CRISPLD2: variants seen among roughly 807,000 people sequenced by gnomAD.
CRISPLD2 encodes the protein cysteine-rich secretory protein LCCL domain-containing 2.
A neutral mutation model predicts 71.1 loss-of-function variants in CRISPLD2; 47 were observed. That is an observed-to-expected ratio of 0.66 (90% CI 0.52 to 0.84). CRISPLD2 has a LOEUF of 0.84. CRISPLD2 is among the 40% of genes least tolerant of loss of function. The pLI is 0.00. For missense variants in CRISPLD2, 830 were observed against 651.1 expected (o/e 1.27, Z -2.99); for synonymous variants, 317 against 250.1 (o/e 1.27, Z -2.52).
At chr16:84,870,327 T>G (rs1223655743) in intron 8 of CRISPLD2, among the ~76,000 whole-genome samples, 1 of 152,134 alleles carries the variant, frequency 6.6e-6, no homozygotes, top group Non-Finnish European at 1.5e-5. Flanking sequence ...TTTTGTTTTT[T>G]TTTTTTCTTT....
chr16:84,897,686 G>A (rs1161685009), intron 14 of CRISPLD2, among the ~76,000 whole-genome samples: 2 of 151,936 alleles, frequency 1.3e-5, no homozygotes, highest in Non-Finnish European at 2.9e-5. Flanking sequence ...GCTTGACCTC[G>A]GCTCATTGCA....
At chr16:84,883,874 T>C (rs774204) in intron 13 of CRISPLD2, among the ~76,000 whole-genome samples, 92,271 of 146,968 alleles carry the variant, frequency 0.63, 30,194 homozygotes, top group East Asian at 0.86. Flanking sequence ...GACGGAGTCT[T>C]ACTCTGTCAC....
intron 14 of CRISPLD2, among the ~76,000 whole-genome samples, chr16:84,903,038 G>A (rs943307157): frequency 2.0e-5 from 3 of 152,142 alleles, no homozygotes; most frequent in Admixed American, 1.3e-4. Flanking sequence ...AAAGTGCTGG[G>A]ATTACAGGAA....
chr16:84,875,341 T>A (rs1034256320), intron 11 of CRISPLD2, among the ~76,000 whole-genome samples: 3 of 151,320 alleles, frequency 2.0e-5, no homozygotes, highest in Admixed American at 6.6e-5. Context: ...ATGGGCTGCA[T>A]GTAGCCCAGG....
At chr16:84,883,842 A>C (rs1175678156) in intron 13 of CRISPLD2, among the ~76,000 whole-genome samples, 1 of 133,116 alleles carries the variant, frequency 7.5e-6, no homozygotes, top group Non-Finnish European at 1.6e-5. Context: ...GTCTTATTTA[A>C]TTTTTTTTTT....
At chr16:84,834,461 G>C (rs1322976839) in intron 1 of CRISPLD2, among the ~76,000 whole-genome samples, 2 of 152,248 alleles carry the variant, frequency 1.3e-5, no homozygotes, top group African/African-American at 4.8e-5. Context: ...CACTGCCCCT[G>C]TGAACTGGGC....
At chr16:84,826,548 C>A (rs928395293) in intron 1 of CRISPLD2, among the ~76,000 whole-genome samples, 1 of 152,266 alleles carries the variant, frequency 6.6e-6, no homozygotes, top group Non-Finnish European at 1.5e-5. Flanking sequence ...ATCTTCCCTG[C>A]CATCTCTCCC....
intron 6 of CRISPLD2, among the ~76,000 whole-genome samples, chr16:84,862,201 A>T (rs1343331792): frequency 2.0e-5 from 3 of 151,484 alleles, no homozygotes; most frequent in Admixed American, 6.6e-5. Context: ...GCGATTTTCT[A>T]CCTAGTTCAC....
chr16:84,888,451 C>G (rs1256184780), intron 13 of CRISPLD2, among the ~76,000 whole-genome samples: 1 of 152,270 alleles, frequency 6.6e-6, no homozygotes, highest in East Asian at 1.9e-4. Context: ...TGGGAGGATC[C>G]CTTGAGCCTG....
chr16:84,892,921 A>G (rs1423247064), intron 14 of CRISPLD2, among the ~76,000 whole-genome samples: 4 of 144,960 alleles, frequency 2.8e-5, no homozygotes, highest in Non-Finnish European at 4.5e-5. Context: ...GGTTGCACTG[A>G]GCCGAGATTC....
intron 12 of CRISPLD2, 69 bp from the exon 13 acceptor site, chr16:84,880,440 A>G: frequency 8.0e-7 from 1 of 1,245,622 alleles, no homozygotes; most frequent in Non-Finnish European, 1.1e-6. Context: ...ATTCAAATAA[A>G]GAGAGCCAGC....
chr16:84,852,544 A>G (rs1917118995), intron 5 of CRISPLD2, among the ~76,000 whole-genome samples: 1 of 152,176 alleles, frequency 6.6e-6, no homozygotes, highest in African/African-American at 2.4e-5. Context: ...TGTCTGCTGC[A>G]TATTACTGCG....
At chr16:84,867,145 A>C in intron 7 of CRISPLD2, 105 bp downstream of exon 7, 1 of 1,239,252 alleles carries the variant, frequency 8.1e-7, no homozygotes, top group South Asian at 1.4e-5. Flanking sequence ...GCAAATCCAC[A>C]GGCAGTGGCA....
At chr16:84,886,546 C>A (rs373676625) in intron 13 of CRISPLD2, among the ~76,000 whole-genome samples, 1 of 152,136 alleles carries the variant, frequency 6.6e-6, no homozygotes, top group Non-Finnish European at 1.5e-5. Flanking sequence ...CACCATAAGC[C>A]AGGCAATGGC....
At chr16:84,875,487 G>A (rs536257107) in intron 11 of CRISPLD2, among the ~76,000 whole-genome samples, 9 of 134,092 alleles carry the variant, frequency 6.7e-5, no homozygotes, top group Non-Finnish European at 1.4e-4. Flanking sequence ...TGTAGCCCAA[G>A]ACAATTCTTT....
At chr16:84,833,922 T>C (rs1916552295) in intron 1 of CRISPLD2, among the ~76,000 whole-genome samples, 1 of 151,734 alleles carries the variant, frequency 6.6e-6, no homozygotes, top group Non-Finnish European at 1.5e-5. Context: ...CAAGATTCGG[T>C]TGTTTGGTTT....
intron 1 of CRISPLD2, 150 bp downstream of exon 1, chr16:84,820,283 C>G (rs970057880): frequency 2.0e-5 from 3 of 152,218 alleles, no homozygotes; most frequent in Non-Finnish European, 4.4e-5. Context: ...AGCTTTGCGA[C>G]ATGCCCTTTT....
chr16:84,863,480 G>C (rs1435551918), intron 6 of CRISPLD2, among the ~76,000 whole-genome samples: 1 of 152,164 alleles, frequency 6.6e-6, no homozygotes, highest in Non-Finnish European at 1.5e-5. Flanking sequence ...AAAAAAAGAG[G>C]TATTCTCCCC....
At chr16:84,892,257 C>T (rs943944078) in intron 14 of CRISPLD2, among the ~76,000 whole-genome samples, 32 of 152,218 alleles carry the variant, frequency 2.1e-4, no homozygotes, top group Non-Finnish European at 1.2e-4. Context: ...ATCGGAATCT[C>T]TGGGAGGGGC....
Sources: allele counts gnomAD v4.1 joint callset (sites outside exome capture counted in the v4.1 genomes callset), GRCh38; gene constraint gnomAD v4.1.1; transcripts MANE v1.5; gene names NCBI Gene and HGNC (gene_info 2026-07-23, HGNC 2026-07-21).